Variants in CELA3B observed in about 807,000 individuals in gnomAD.
The protein encoded by CELA3B is chymotrypsin like elastase 3B, also known as chymotrypsin-like elastase family member 3B.
Under a neutral mutation model 37.2 loss-of-function variants are expected in CELA3B, and 34 were observed. That is an observed-to-expected ratio of 0.91 (90% confidence interval 0.70 to 1.22). The LOEUF (loss-of-function observed/expected upper bound fraction) is 1.22, where lower values mean the gene tolerates loss of function less well. Among genes scored for constraint, CELA3B ranks in the 50% most tolerant of loss-of-function variants. CELA3B has a pLI of 0.00. For synonymous variants in CELA3B, 127 were observed against 143.5 expected (o/e 0.89, Z 0.82); for missense variants, 340 against 363.1 (o/e 0.94, Z 0.52).
At chr1:21,979,457 T>A (rs1317527324) in intron 2 of CELA3B, among the ~76,000 whole-genome samples, 1 of 135,854 alleles carries the variant, frequency 7.4e-6, no homozygotes, top group Non-Finnish European at 1.6e-5. Context: ...TCTTTTCTTT[T>A]TTTTTTTTTT....
chr1:21,984,712 CA>C (rs1233024217), intron 6 of CELA3B, among the ~76,000 whole-genome samples: 2 of 151,970 alleles, frequency 1.3e-5, no homozygotes, highest in African/African-American at 4.8e-5. Context: ...TTTGGGAGGC[CA>C]AGGCGTGTGG....
chr1:21,978,396 G>A lies in CELA3B; in HGVS notation c.71G>A (p.Arg24His), dbSNP rs141038744. Residue 24 changes from arginine (R) to histidine (H), a missense_variant, in exon 2 of 8, where the codon CGC (arginine) becomes CAC (histidine). By Grantham distance (29) the Arg-to-His change is conservative. Coordinates refer to ENST00000337107, the MANE Select transcript of CELA3B (RefSeq NM_007352.4). ...TCAGGCTATGGCCCACCTTCCTCTC[G>A]CCCTTCCAGCCGCGTTGTCAATGGT... is the stretch of plus-strand genomic sequence containing the variant. ...VASGYGPPSS[R>H]PSSRVVNGED... 2,921 of 1,610,016 alleles carry A rather than the reference G, an allele frequency of 1.8e-3. 19 individuals carry two copies. Among genetic ancestry groups the A allele is most frequent in the South Asian group, 2.3e-3 (206 of 90,566 alleles).
chr1:21,985,426 T>G (rs1193865677), intron 6 of CELA3B, among the ~76,000 whole-genome samples: 1 of 151,986 alleles, frequency 6.6e-6, no homozygotes, highest in South Asian at 2.1e-4. Context: ...TACAAGTGTG[T>G]GCCACAATGC....
chr1:21,988,013 C>A (rs1644849511), intron 7 of CELA3B: 1 of 147,658 alleles, frequency 6.8e-6, no homozygotes, highest in Non-Finnish European at 1.5e-5. Context: ...GAGTTCAAGA[C>A]CAGCCTGGCC....
At chr1:21,985,926 T>G (rs61777961) in intron 6 of CELA3B, among the ~76,000 whole-genome samples, 122,359 of 134,066 alleles carry the variant, frequency 0.91, 56,169 homozygotes, top group Middle Eastern at 0.96. Flanking sequence ...ACCCTCGTAT[T>G]ATAATTGAGT....
At chr1:21,988,956 T>C (rs1322438805) in intron 7 of CELA3B, among the ~76,000 whole-genome samples, 9 of 151,852 alleles carry the variant, frequency 5.9e-5, no homozygotes, top group South Asian at 2.1e-4. Context: ...TACATATATA[T>C]ACACACACAG....
At chr1:21,995,594 C>T (rs1644887333) in intron 4 of CELA3B, among the ~76,000 whole-genome samples, 1 of 151,072 alleles carries the variant, frequency 6.6e-6, no homozygotes, top group African/African-American at 2.5e-5. Flanking sequence ...GTGAAGTTAT[C>T]CCCTTCCCTT....
chr1:21,994,953 T>C (rs1308805847), intron 4 of CELA3B, among the ~76,000 whole-genome samples: 2 of 132,922 alleles, frequency 1.5e-5, no homozygotes, highest in Non-Finnish European at 3.1e-5. Flanking sequence ...ACTGAGCTCC[T>C]ATCATGCCAC....
chr1:21,977,223 T>C lies in CELA3B; in HGVS notation c.43+141T>C, dbSNP rs1413762837. 3 of 1,283,152 alleles carry C rather than the reference T, an allele frequency of 2.3e-6. No homozygotes were observed. The Admixed American group carries it at 5.3e-5, about 23-fold the overall frequency. The allele number at this position is 1,283,152 out of a possible 1,614,324, so 79.5% of individuals were successfully genotyped here. The stretch of plus-strand genomic sequence containing the variant: ...CTCAGCTTGTACCCGGGGGCATGAC[T>C]GTGGGGGCTTTCAGCTTATGATGGA... On this transcript the variant is annotated intron_variant, in intron 1 of 7. Transcript: ENST00000337107.
chr1:21,994,683 G>A (rs2152818129), intron 4 of CELA3B, among the ~76,000 whole-genome samples: 1 of 151,046 alleles, frequency 6.6e-6, no homozygotes, highest in South Asian at 2.1e-4. Flanking sequence ...TCCACTTAAA[G>A]TGAAGTCCTG....
chr1:21,995,144 CTTTT>C (rs764836069), intron 4 of CELA3B, among the ~76,000 whole-genome samples: 2 of 84,938 alleles, frequency 2.4e-5, no homozygotes, highest in Non-Finnish European at 4.1e-5. Flanking sequence ...TCTTTTCTTT[CTTTT>C]TTTTTTTTTT....
downstream of CELA3B, among the ~76,000 whole-genome samples, chr1:21,992,834 A>G (rs1644874400): frequency 6.6e-6 from 1 of 150,926 alleles, no homozygotes; most frequent in Non-Finnish European, 1.5e-5. Flanking sequence ...GTGGTGTGAC[A>G]CATGCCTGTA....
intron 6 of CELA3B, among the ~76,000 whole-genome samples, chr1:21,984,896 G>A (rs1298633884): frequency 6.6e-6 from 1 of 151,788 alleles, no homozygotes; most frequent in Non-Finnish European, 1.5e-5. Context: ...GCAGTGAGTG[G>A]AGATCGCACC....
chr1:21,994,613 T>G (rs4655008), intron 4 of CELA3B, among the ~76,000 whole-genome samples: 143,349 of 150,644 alleles, frequency 0.95, 68,755 homozygotes, highest in Non-Finnish European at 1. Flanking sequence ...GCAGAGCCAG[T>G]GGAACGGCAG....
intron 4 of CELA3B, among the ~76,000 whole-genome samples, chr1:21,982,549 A>C (rs1449334607): frequency 6.6e-6 from 1 of 151,880 alleles, no homozygotes; most frequent in African/African-American, 2.4e-5. Flanking sequence ...GTGAGCCGAG[A>C]TCGTGCCATT....
intron 7 of CELA3B, among the ~76,000 whole-genome samples, chr1:21,989,056 C>A (rs532615758): frequency 6.6e-6 from 1 of 151,812 alleles, no homozygotes; most frequent in Non-Finnish European, 1.5e-5. Context: ...GTAGAGAGAA[C>A]CTTAGTTAAC....
chr1:21,984,349 T>A lies in CELA3B; in HGVS notation c.642+18T>A. The A allele has an allele frequency of 6.2e-7, 1 of 1,609,292 alleles. No homozygotes were observed. Among genetic ancestry groups the A allele is most frequent in the South Asian group, 1.1e-5 (1 of 90,486 alleles). On this transcript the variant is annotated intron_variant, in intron 6 of 7. Coordinates refer to ENST00000337107, the MANE Select transcript of CELA3B (RefSeq NM_007352.4). ...GCTGCAATGTGAGTCAGCTCTTACC[T>A]GCCCGAGGTGGTGCTGGGTGTGCAG...
chr1:21,986,373 C>T (rs1174573003), intron 6 of CELA3B, among the ~76,000 whole-genome samples, 158 bp from the exon 7 acceptor site: 1 of 151,890 alleles, frequency 6.6e-6, no homozygotes, highest in Non-Finnish European at 1.5e-5. Context: ...GAGACTCCAT[C>T]TAAAAAAATA....
chr1:21,978,290 C>T (rs375377356), intron 1 of CELA3B, 79 bp from the exon 2 acceptor site: 30,328 of 1,427,020 alleles, frequency 0.021, 65 homozygotes, highest in African/African-American at 0.19. Context: ...CTTGAAGGCA[C>T]GGCTTGGACT....
Sources: gnomAD v4.1 joint callset for allele counts (sites outside exome capture counted in the v4.1 genomes callset) on GRCh38, gnomAD v4.1.1 for gene constraint, MANE v1.5 for transcripts, NCBI Gene and HGNC (gene_info 2026-07-23, HGNC 2026-07-21) for gene names.